Variants in CSMD1 observed in about 807,000 individuals in gnomAD.
CSMD1 encodes the protein CUB and Sushi multiple domains 1.
Under a neutral mutation model 417.5 loss-of-function variants are expected in CSMD1, and 213 were observed. The ratio of observed to expected loss-of-function variants is 0.51; its 90% CI spans 0.46 to 0.57. The LOEUF (loss-of-function observed/expected upper bound fraction) is 0.57. Among genes scored for constraint, CSMD1 ranks in the 20% least tolerant of loss-of-function variants. CSMD1 has a pLI of 0.00. For missense variants in CSMD1, 6,923 were observed against 4,529.7 expected (o/e 1.53, Z -15.17); for synonymous variants, 2,862 against 1,736.8 (o/e 1.65, Z -16.11).
intron 5 of CSMD1, among the ~76,000 whole-genome samples, chr8:3,813,329 T>C (rs990172007): frequency 2.0e-5 from 3 of 152,184 alleles, no homozygotes; most frequent in African/African-American, 7.2e-5. Context: ...ATATGATCTG[T>C]TATACTGCAA....
At chr8:3,854,099 T>C (rs1804122080) in intron 5 of CSMD1, among the ~76,000 whole-genome samples, 1 of 146,302 alleles carries the variant, frequency 6.8e-6, no homozygotes, top group Admixed American at 6.9e-5. Context: ...AATTACATTA[T>C]ACTTTATATA....
At chr8:3,165,764 T>G (rs1018565999) in intron 37 of CSMD1, among the ~76,000 whole-genome samples, 1 of 152,182 alleles carries the variant, frequency 6.6e-6, no homozygotes, top group African/African-American at 2.4e-5. Context: ...ACAGCTAGGC[T>G]TGACATACAG....
intron 10 of CSMD1, among the ~76,000 whole-genome samples, chr8:3,524,949 A>C (rs1026877): frequency 1.3e-5 from 2 of 152,206 alleles, no homozygotes; most frequent in African/African-American, 4.8e-5. Context: ...AATGTTTCTA[A>C]AAAGCACACT....
chr8:4,359,475 T>C (rs535062907), intron 3 of CSMD1, among the ~76,000 whole-genome samples: 1 of 152,344 alleles, frequency 6.6e-6, no homozygotes, highest in East Asian at 1.9e-4. Flanking sequence ...AAAAACAAGA[T>C]TGAATCCTTC....
chr8:4,708,595 C>T (rs1252505725), intron 1 of CSMD1, among the ~76,000 whole-genome samples: 2 of 151,922 alleles, frequency 1.3e-5, no homozygotes, highest in African/African-American at 4.8e-5. Flanking sequence ...AACTAGGTAG[C>T]CAATCAGAAA....
At chr8:3,922,464 C>A (rs779044547) in intron 5 of CSMD1, among the ~76,000 whole-genome samples, 2 of 152,044 alleles carry the variant, frequency 1.3e-5, no homozygotes, top group African/African-American at 4.8e-5. Flanking sequence ...TTCTGTTTCT[C>A]GTCACATTTT....
intron 2 of CSMD1, among the ~76,000 whole-genome samples, chr8:4,621,691 C>A (rs1400420876): frequency 6.6e-6 from 1 of 151,980 alleles, no homozygotes. Context: ...AATTTACCGT[C>A]TCCTGTACAG....
chr8:4,664,371 G>A (rs938273560), intron 1 of CSMD1, among the ~76,000 whole-genome samples: 3 of 152,096 alleles, frequency 2.0e-5, no homozygotes, highest in Non-Finnish European at 4.4e-5. Context: ...ACCAGCCTGG[G>A]CAACATGGTG....
At chr8:3,682,301 G>C (rs1799707214) in intron 7 of CSMD1, among the ~76,000 whole-genome samples, 2 of 152,050 alleles carry the variant, frequency 1.3e-5, no homozygotes, top group African/African-American at 4.8e-5. Context: ...ATCTGACAAA[G>C]GGCTAATATC....
chr8:4,975,968 G>C (rs997034577), intron 1 of CSMD1, among the ~76,000 whole-genome samples: 2 of 152,142 alleles, frequency 1.3e-5, no homozygotes, highest in South Asian at 4.1e-4. Flanking sequence ...AAATCTGCTT[G>C]AAAAAGAAAT....
At chr8:4,496,644 T>A (rs1271700053) in intron 2 of CSMD1, among the ~76,000 whole-genome samples, 1 of 152,070 alleles carries the variant, frequency 6.6e-6, no homozygotes, top group Non-Finnish European at 1.5e-5. Flanking sequence ...GTCTCATAGC[T>A]CCTTTTGGTC....
chr8:4,253,240 T>G (rs974567299), intron 3 of CSMD1, among the ~76,000 whole-genome samples: 2 of 152,198 alleles, frequency 1.3e-5, no homozygotes, highest in African/African-American at 2.4e-5. Flanking sequence ...CCAGATAAAA[T>G]GACATCTCCA....
chr8:4,476,635 G>A (rs1407111185), intron 2 of CSMD1, among the ~76,000 whole-genome samples: 1 of 152,112 alleles, frequency 6.6e-6, no homozygotes, highest in Non-Finnish European at 1.5e-5. Flanking sequence ...TTTAGAAATA[G>A]CAACTCATAG....
At chr8:4,934,549 G>A (rs993115040) in intron 1 of CSMD1, among the ~76,000 whole-genome samples, 3 of 152,136 alleles carry the variant, frequency 2.0e-5, no homozygotes, top group East Asian at 3.9e-4. Flanking sequence ...TACTAGGAAC[G>A]AGATGGAGAC....
chr8:4,455,373 G>A (rs1390569290), intron 2 of CSMD1, among the ~76,000 whole-genome samples: 2 of 152,102 alleles, frequency 1.3e-5, no homozygotes, highest in Non-Finnish European at 2.9e-5. Context: ...TGGAAAACTG[G>A]TCATCAACTC....
intron 3 of CSMD1, among the ~76,000 whole-genome samples, chr8:4,303,786 G>C (rs913831879): frequency 2.6e-5 from 4 of 151,934 alleles, no homozygotes; most frequent in East Asian, 3.9e-4. Flanking sequence ...CTCCTGAGTA[G>C]CTGGGACTAC....
intron 2 of CSMD1, among the ~76,000 whole-genome samples, chr8:4,564,695 A>C (rs138057028): frequency 6.6e-6 from 1 of 152,348 alleles, no homozygotes; most frequent in East Asian, 1.9e-4. Flanking sequence ...GTAAGCTAAC[A>C]ATGAATGCAT....
At chr8:3,657,184 G>T (rs1167122321) in intron 7 of CSMD1, among the ~76,000 whole-genome samples, 1 of 152,158 alleles carries the variant, frequency 6.6e-6, no homozygotes, top group Non-Finnish European at 1.5e-5. Context: ...ACAGGAAGAT[G>T]CTGCAGGATC....
intron 1 of CSMD1, among the ~76,000 whole-genome samples, chr8:4,826,418 T>C (rs142664937): frequency 9.7e-4 from 147 of 152,308 alleles, no homozygotes; most frequent in African/African-American, 3.2e-3. Flanking sequence ...CTGGAGGGCA[T>C]TGCGCTAACT....
Sources: gnomAD v4.1 joint callset for allele counts (sites outside exome capture counted in the v4.1 genomes callset) on GRCh38, gnomAD v4.1.1 for gene constraint, MANE v1.5 for transcripts, NCBI Gene and HGNC (gene_info 2026-07-23, HGNC 2026-07-21) for gene names.